The following MTUS2 variants were observed in gnomAD, a reference collection of about 807,000 sequenced individuals.
The protein encoded by MTUS2 is microtubule-associated tumor suppressor candidate 2.
In MTUS2, 40 loss-of-function variants were observed where a neutral mutation model predicts 114.1. The observed-to-expected ratio is 0.35, with a 90% CI of 0.27 to 0.46. The LOEUF (loss-of-function observed/expected upper bound fraction) is 0.46. Among genes scored for constraint, MTUS2 ranks in the 20% least tolerant of loss-of-function variants. MTUS2 has a pLI of 1.00. For synonymous variants in MTUS2, 688 were observed against 672.0 expected (o/e 1.02, Z -0.37); for missense variants, 1,679 against 1,705.4 (o/e 0.98, Z 0.27).
chr13:29,026,472 A>C lies in MTUS2; in HGVS notation c.1774A>C (p.Thr592Pro). The change falls in exon 3 of 16, where the codon ACT becomes CCT. Residue 592 changes from threonine (T) to proline (P), a missense_variant. Physicochemically the swap from Thr to Pro is conservative, Grantham distance 38 (BLOSUM62 -1). Coordinates refer to ENST00000612955, the MANE Select transcript of MTUS2 (RefSeq NM_001033602.4). ...NTSPKVPDKNTCPSGIPKPVF... is the reference protein window; with the variant it reads ...NTSPKVPDKNPCPSGIPKPVF... ...GTCCCCCAAAGTGCCTGACAAGAAC[A>C]CTTGCCCCAGTGGGATCCCCAAGCC... is the stretch of plus-strand genomic sequence containing the variant. 1.2e-6 allele frequency: 2 copies of C among 1,613,974 alleles called. No individual in the cohort carries two copies. Among genetic ancestry groups the C allele is most frequent in the South Asian group, 2.2e-5 (2 of 91,070 alleles).
At position 29,120,387 on chromosome 13, in the gene MTUS2, A is replaced by G. The variant is rs183636301; in HGVS notation, c.2644+19417A>G. ...GTAAAATATATTTTCACAAATATCC[A>G]TGATTATTTAAATGGAAAAAATCAG... On this transcript the variant is annotated intron_variant, in intron 5 of 15. Transcript: ENST00000612955. 2.3e-3 allele frequency among the ~76,000 whole-genome samples: 348 copies of G among 152,188 alleles called. 3 individuals carry two copies. The highest frequency in any genetic ancestry group is 6.5e-3 in the African/African-American group (270 of 41,562).
intron 8 of MTUS2, among the ~76,000 whole-genome samples, chr13:29,428,396 C>T (rs1008865778): frequency 2.0e-5 from 3 of 152,266 alleles, no homozygotes; most frequent in African/African-American, 7.2e-5. Flanking sequence ...GCGTCCGCTC[C>T]AGGCGTGTCT....
At chr13:28,912,832 G>A (rs1170247281) in intron 2 of MTUS2, among the ~76,000 whole-genome samples, 2 of 151,950 alleles carry the variant, frequency 1.3e-5, no homozygotes, top group Non-Finnish European at 2.9e-5. Context: ...CCTATTGTTG[G>A]TTTATTGGAA....
chr13:29,449,174 T>C (rs1878504586), intron 9 of MTUS2, among the ~76,000 whole-genome samples: 4 of 149,634 alleles, frequency 2.7e-5, no homozygotes, highest in Admixed American at 2.0e-4. Context: ...ATGTTTTCTA[T>C]AATATAAAAT....
At chr13:29,069,400 G>T (rs1029180340) in intron 4 of MTUS2, among the ~76,000 whole-genome samples, 21 of 152,200 alleles carry the variant, frequency 1.4e-4, no homozygotes, top group African/African-American at 5.1e-4. Context: ...GAGTGTGAAT[G>T]TAACCTTCGT....
chr13:29,393,518 A>C (rs1465582837), intron 8 of MTUS2, among the ~76,000 whole-genome samples: 2 of 152,194 alleles, frequency 1.3e-5, no homozygotes, highest in Non-Finnish European at 2.9e-5. Context: ...CAAGATGCTG[A>C]GTCCTTCCCT....
chr13:28,957,374 T>C (rs182284049), intron 2 of MTUS2, among the ~76,000 whole-genome samples: 1 of 152,336 alleles, frequency 6.6e-6, no homozygotes, highest in African/African-American at 2.4e-5. Flanking sequence ...GGGGATACTT[T>C]CCTTATTCTA....
intron 2 of MTUS2, among the ~76,000 whole-genome samples, chr13:28,959,129 A>G (rs902924145): frequency 1.3e-5 from 2 of 152,186 alleles, no homozygotes; most frequent in Non-Finnish European, 2.9e-5. Context: ...ATGGATACAG[A>G]GGAAAAAGCC....
At chr13:29,384,275 T>G (rs903614488) in intron 8 of MTUS2, among the ~76,000 whole-genome samples, 1 of 152,254 alleles carries the variant, frequency 6.6e-6, no homozygotes, top group Non-Finnish European at 1.5e-5. Flanking sequence ...GGAAATCCCG[T>G]GTCCATTAGA....
intron 7 of MTUS2, among the ~76,000 whole-genome samples, chr13:29,331,546 A>G (rs902078168): frequency 2.6e-5 from 4 of 152,176 alleles, no homozygotes; most frequent in Admixed American, 2.6e-4. Flanking sequence ...ACATCACACT[A>G]CCTGACTTCA....
At chr13:28,903,282 C>T (rs958153859) in intron 2 of MTUS2, among the ~76,000 whole-genome samples, 2 of 151,628 alleles carry the variant, frequency 1.3e-5, no homozygotes, top group Non-Finnish European at 2.9e-5. Context: ...TATTATTATG[C>T]TTTAAGTTTT....
chr13:29,184,032 A>G (rs981558734), intron 5 of MTUS2, among the ~76,000 whole-genome samples: 5 of 152,238 alleles, frequency 3.3e-5, no homozygotes, highest in Admixed American at 1.3e-4. Context: ...TATTTGCTTT[A>G]TAAGCCATCA....
intron 2 of MTUS2, among the ~76,000 whole-genome samples, chr13:28,908,658 G>C (rs899318619): frequency 3.3e-5 from 5 of 151,490 alleles, no homozygotes; most frequent in African/African-American, 4.9e-5. Context: ...TATATACCCA[G>C]TAATGGGATG....
chr13:29,441,328 A>G (rs1040700602), intron 9 of MTUS2, among the ~76,000 whole-genome samples: 1 of 152,186 alleles, frequency 6.6e-6, no homozygotes, highest in Non-Finnish European at 1.5e-5. Context: ...GGCTGGAAAG[A>G]GGAGCGGGAG....
intron 2 of MTUS2, among the ~76,000 whole-genome samples, chr13:28,897,817 C>A (rs917758942): frequency 6.7e-6 from 1 of 149,872 alleles, no homozygotes; most frequent in Non-Finnish European, 1.5e-5. Flanking sequence ...AAACCAAACA[C>A]CGCATGTTCT....
At chr13:29,346,543 C>T (rs1323524304) in intron 7 of MTUS2, among the ~76,000 whole-genome samples, 2 of 144,004 alleles carry the variant, frequency 1.4e-5, no homozygotes, top group Non-Finnish European at 3.0e-5. Flanking sequence ...GCCAGTCTCA[C>T]TCCCACCATG....
chr13:28,876,449 A>T (rs1030130247), intron 2 of MTUS2, among the ~76,000 whole-genome samples: 1 of 152,154 alleles, frequency 6.6e-6, no homozygotes, highest in African/African-American at 2.4e-5. Flanking sequence ...TTTCCATGTG[A>T]CTGTCCTGGC....
intron 8 of MTUS2, among the ~76,000 whole-genome samples, chr13:29,430,043 T>G (rs1310450764): frequency 1.3e-5 from 2 of 152,228 alleles, no homozygotes; most frequent in Non-Finnish European, 2.9e-5. Flanking sequence ...ATATACACAT[T>G]TATGTGCTTT....
At chr13:29,035,536 A>G (rs1887022223) in intron 4 of MTUS2, among the ~76,000 whole-genome samples, 1 of 152,196 alleles carries the variant, frequency 6.6e-6, no homozygotes, top group Non-Finnish European at 1.5e-5. Flanking sequence ...GCTTTGCTAG[A>G]ATCCCTGGTG....
Sources: gnomAD v4.1 joint callset for allele counts (sites outside exome capture counted in the v4.1 genomes callset) on GRCh38, gnomAD v4.1.1 for gene constraint, MANE v1.5 for transcripts, NCBI Gene and HGNC (gene_info 2026-07-23, HGNC 2026-07-21) for gene names.